The following DHRS7 variants were observed in gnomAD, a reference collection of about 807,000 sequenced individuals.
DHRS7 encodes the protein dehydrogenase/reductase 7.
DHRS7 carries 34 observed loss-of-function variants against 38.9 expected under a neutral mutation model. The observed-to-expected ratio is 0.87, with a 90% CI of 0.66 to 1.16. The LOEUF is 1.16. Among genes scored for constraint, DHRS7 ranks in the 50% most tolerant of loss-of-function variants. The pLI, the probability that DHRS7 is intolerant of heterozygous loss-of-function variation, is 0.00. For synonymous variants in DHRS7, 158 were observed against 153.1 expected (o/e 1.03, Z -0.24); for missense variants, 421 against 407.0 (o/e 1.03, Z -0.30).
chr14:60,158,526 A>G (rs1896703035), intron 1 of DHRS7, among the ~76,000 whole-genome samples: 1 of 151,832 alleles, frequency 6.6e-6, no homozygotes, highest in Non-Finnish European at 1.5e-5. Flanking sequence ...AGACCTCTTG[A>G]TATTTACACA....
intron 4 of DHRS7, chr14:60,152,688 T>G: frequency 2.0e-6 from 1 of 498,534 alleles, no homozygotes; most frequent in South Asian, 2.6e-5. Context: ...TATCTTTATA[T>G]CCCCAGGGTC....
At chr14:60,159,845 T>A (rs1896727610) in intron 1 of DHRS7, among the ~76,000 whole-genome samples, 1 of 152,232 alleles carries the variant, frequency 6.6e-6, no homozygotes, top group Non-Finnish European at 1.5e-5. Flanking sequence ...TAACCTGAAC[T>A]TTAATTGTCA....
chr14:60,161,592 G>T lies in DHRS7; in HGVS notation c.133+3585C>A, dbSNP rs886906172. Among the ~76,000 whole-genome samples, 2 of 152,090 alleles carry T rather than the reference G, an allele frequency of 1.3e-5. No homozygotes were observed. Among genetic ancestry groups the T allele is most frequent in the African/African-American group, 4.8e-5 (2 of 41,408 alleles). On this transcript the variant is annotated intron_variant, in intron 1 of 6. Transcript: ENST00000557185. The surrounding 1 kb of genome is among the most constrained non-coding windows in gnomAD (Gnocchi z 4.2). ...CTTCCCTCACATGACATGGTATCAG[G>T]TTTCCTCACTCTTCTGCTCACACCC...
upstream of DHRS7, chr14:60,169,153 A>AAAAAAAAAAAAAAAAAAAAAAAG (rs1896903262): frequency 6.6e-6 from 1 of 150,798 alleles, no homozygotes; most frequent in Admixed American, 6.6e-5. Flanking sequence ...AAAAAAAAAA[A>AAAAAAAAAAAAAAAAAAAAAAAG]AAAAAAAACC....
chr14:60,148,599 A>G lies in DHRS7; in HGVS notation c.972+754T>C, dbSNP rs1172130535. Among the ~76,000 whole-genome samples, 1 of 152,210 alleles carries G rather than the reference A, an allele frequency of 6.6e-6. No individual in the cohort carries two copies. The highest frequency in any genetic ancestry group is 1.5e-5 in the Non-Finnish European group (1 of 68,036). On this transcript the variant is annotated intron_variant, in intron 6 of 6. Transcript: ENST00000557185. This position sits in a 1 kb window ranked among gnomAD's most constrained non-coding sequence, Gnocchi z 4.8. ...GTGCTGAGTACTTCGGGAATGAGGTAAAACTGCATGCATCTGTTTTAACAA... is the reference window on the plus strand; with the variant it reads ...GTGCTGAGTACTTCGGGAATGAGGTGAAACTGCATGCATCTGTTTTAACAA...
At chr14:60,166,095 C>T (rs956479914), upstream of DHRS7, 1 of 421,850 alleles carries the variant, frequency 2.4e-6, no homozygotes, top group African/African-American at 2.2e-5. Context: ...AATGAAAACA[C>T]CAAGGTCTTG....
intron 1 of DHRS7, among the ~76,000 whole-genome samples, chr14:60,160,351 T>A (rs1896740824): frequency 6.6e-6 from 1 of 151,366 alleles, no homozygotes; most frequent in African/African-American, 2.4e-5. Context: ...TTCTTTTTTT[T>A]TTTTTTTTTT....
intron 5 of DHRS7, among the ~76,000 whole-genome samples, chr14:60,149,830 C>T (rs1275084320): frequency 2.6e-5 from 4 of 151,776 alleles, no homozygotes; most frequent in Non-Finnish European, 5.9e-5. Flanking sequence ...AATTGCATCA[C>T]CCTAATGTGC....
intron 6 of DHRS7, 176 bp downstream of exon 6, chr14:60,149,177 T>C: frequency 1.6e-6 from 1 of 614,490 alleles, no homozygotes; most frequent in East Asian, 2.8e-5. Flanking sequence ...TTCACTATGT[T>C]GGCCAGGTTG....
Position 60,162,678 on chromosome 14 carries a change from G to T in DHRS7, c.133+2499C>A, listed in dbSNP as rs541783403. Among the ~76,000 whole-genome samples the T allele has an allele frequency of 4.0e-5, 6 of 151,614 alleles. No homozygotes were observed. The highest frequency in any genetic ancestry group is 5.9e-5 in the Non-Finnish European group (4 of 67,938). On this transcript the variant is annotated intron_variant, in intron 1 of 6. Transcript: ENST00000557185. This position sits in a 1 kb window ranked among gnomAD's most constrained non-coding sequence, Gnocchi z 4.5. ...TAGAGTCTGCCCATCTCTCCAGTCT[G>T]AGCTGTTTTGGGAATCTGAGTCTAT...
At chr14:60,165,509 C>T (rs1896855701), upstream of DHRS7, 5 of 1,297,054 alleles carry the variant, frequency 3.9e-6, no homozygotes, top group East Asian at 9.8e-5. The surrounding 1 kb of genome is among the most constrained non-coding windows in gnomAD (Gnocchi z 4.6). Context: ...GGTCCTTGGG[C>T]GGCCCGCGCC....
chr14:60,151,847 G>A (rs929487968), intron 4 of DHRS7, among the ~76,000 whole-genome samples: 3 of 152,120 alleles, frequency 2.0e-5, no homozygotes, highest in Admixed American at 2.0e-4. Context: ...GTCTTGGAGG[G>A]CAGGCCAGAC....
chr14:60,165,204 A>G lies in DHRS7; in HGVS notation c.106T>C (p.Trp36Arg). ...LRADGDLTLL[W>R]AEWQGRRPEW... Reference sequence around the variant, plus strand: ...GGGCGTCGTCCCTGCCACTCGGCCCATAGTAGCGTCAGGTCGCCGTCAGCC... The same window carrying G: ...GGGCGTCGTCCCTGCCACTCGGCCCGTAGTAGCGTCAGGTCGCCGTCAGCC... The change falls in exon 1 of 7, where the codon TGG becomes CGG. Residue 36 changes from tryptophan (W) to arginine (R), a missense_variant. By Grantham distance (101) the Trp-to-Arg change is moderately radical. Coordinates refer to ENST00000557185, the MANE Select transcript of DHRS7 (RefSeq NM_016029.4). The surrounding 1 kb of genome is among the most constrained non-coding windows in gnomAD (Gnocchi z 4.6). 9 of 1,612,932 alleles carry G rather than the reference A, an allele frequency of 5.6e-6. No homozygotes were observed. Among genetic ancestry groups the G allele is most frequent in the Non-Finnish European group, 7.6e-6 (9 of 1,179,820 alleles).
At chr14:60,151,145 TATTA>T (rs1328077933) in intron 4 of DHRS7, among the ~76,000 whole-genome samples, 11 of 144,506 alleles carry the variant, frequency 7.6e-5, no homozygotes, top group Middle Eastern at 3.6e-3. Flanking sequence ...ATTTTAACAG[TATTA>T]ATTCATTTTA....
chr14:60,158,277 T>TC lies in DHRS7; in HGVS notation c.134-2126dup, dbSNP rs955035868. Among the ~76,000 whole-genome samples the TC allele has an allele frequency of 8.9e-5, 13 of 145,292 alleles. 1 individual carries two copies. The highest frequency in any genetic ancestry group is 3.0e-4 in the African/African-American group (12 of 39,492). ...AAAATCTCAACTAAGGATGGAAACA[T>TC]CCCAAATACTATGTCTGGGCTACAA... is the stretch of plus-strand genomic sequence containing the variant. On this transcript the variant is annotated intron_variant, in intron 1 of 6. Coordinates refer to ENST00000557185, the MANE Select transcript of DHRS7 (RefSeq NM_016029.4).
chr14:60,165,589 A>G, upstream of DHRS7: 1 of 1,229,496 alleles, frequency 8.1e-7, no homozygotes, highest in African/African-American at 1.6e-5. The surrounding 1 kb of genome is among the most constrained non-coding windows in gnomAD (Gnocchi z 4.6). Context: ...CCTGGGCAAC[A>G]TGAGGAAACC....
In DHRS7 at chr14:60,154,013, G is replaced by C; in HGVS notation, c.339C>G (p.Thr113=). The stretch of plus-strand genomic sequence containing the variant: ...TAGCCGCTTCATGGGAACCAGTGTC[G>C]GTCAGGTCAAGGGGCAAAACAAGTA... ...KDILVLPLDL[T]DTGSHEAATK... Residue 113 remains threonine, a synonymous_variant, in exon 3 of 7, where the codon ACC becomes ACG. Coordinates refer to ENST00000557185, the MANE Select transcript of DHRS7 (RefSeq NM_016029.4). The C allele has an allele frequency of 6.2e-7, 1 of 1,614,028 alleles. No individual in the cohort carries two copies. Among genetic ancestry groups the C allele is most frequent in the Middle Eastern group, 1.6e-4 (1 of 6,062 alleles).
intron 1 of DHRS7, among the ~76,000 whole-genome samples, chr14:60,157,281 GATGA>G (rs149968835): frequency 0.03 from 4,643 of 152,278 alleles, 195 homozygotes; most frequent in African/African-American, 0.098. Flanking sequence ...CTGGAAATGT[GATGA>G]ATAAGAACAC....
rs1223229452 is a variant in DHRS7 at position 60,146,459 on chromosome 14, A to G, written c.973-1446T>C. ...ATTGAGAATGTGAACCAGTACAGAC[A>G]TTATGGAAAATACGGAAATTCCTCA... On this transcript the variant is annotated intron_variant, in intron 6 of 6. Transcript: ENST00000557185. The surrounding 1 kb of genome is among the most constrained non-coding windows in gnomAD (Gnocchi z 4.9). 1 of 152,182 alleles carries G rather than the reference A, an allele frequency of 6.6e-6. No individual in the cohort carries two copies. The highest frequency in any genetic ancestry group is 2.4e-5 in the African/African-American group (1 of 41,448). The allele number at this position is 152,182 out of a possible 1,614,324, so 9.4% of individuals were successfully genotyped here.
Sources: gnomAD v4.1 joint callset for allele counts (sites outside exome capture counted in the v4.1 genomes callset) on GRCh38, gnomAD v4.1.1 for gene constraint, Gnocchi (gnomAD v3.1) non-coding constraint, MANE v1.5 for transcripts, NCBI Gene and HGNC (gene_info 2026-07-23, HGNC 2026-07-21) for gene names.